ZNF286A: variants seen among roughly 807,000 people sequenced by gnomAD.
ZNF286A encodes zinc finger protein ZNF286.
A neutral mutation model predicts 49.3 loss-of-function variants in ZNF286A; 34 were observed. The observed-to-expected ratio is 0.69, with a 90% CI of 0.52 to 0.92. The LOEUF (loss-of-function observed/expected upper bound fraction) is 0.92. Among genes scored for constraint, ZNF286A ranks in the 40% least tolerant of loss-of-function variants. The probability of loss-of-function intolerance (pLI) is 0.00; values close to 1 mark genes in which losing one functional copy is unlikely to be tolerated. For synonymous variants in ZNF286A, 155 were observed against 200.4 expected, an observed-to-expected ratio of 0.77 and a Z score of 1.91; for missense variants, 462 against 600.2, an observed-to-expected ratio of 0.77 and a Z score of 2.41.
intron 5 of ZNF286A, among the ~76,000 whole-genome samples, chr17:15,711,026 C>G (rs1597723297): frequency 6.6e-6 from 1 of 152,078 alleles, no homozygotes. Flanking sequence ...ATTCTCCTGC[C>G]TCAGCCTCCC....
At chr17:15,713,288 TAAA>T (rs896681143) in intron 5 of ZNF286A, among the ~76,000 whole-genome samples, 1 of 152,222 alleles carries the variant, frequency 6.6e-6, no homozygotes, top group Non-Finnish European at 1.5e-5. Flanking sequence ...ATTTTTTTGT[TAAA>T]AAACATCTAT....
At chr17:15,704,524 T>C (rs1183412752) in intron 3 of ZNF286A, 2 of 1,613,888 alleles carry the variant, frequency 1.2e-6, no homozygotes, top group African/African-American at 2.7e-5. Context: ...GAGTGCAGAC[T>C]CGGGGTTAGG....
chr17:15,707,079 T>C (rs1267796490), intron 4 of ZNF286A, among the ~76,000 whole-genome samples: 4 of 152,124 alleles, frequency 2.6e-5, no homozygotes, highest in Admixed American at 2.6e-4. Flanking sequence ...TGCATGCATA[T>C]GATTGTATGA....
In ZNF286A at chr17:15,719,148, A is replaced by AC. The variant is rs1298073036; in HGVS notation, c.*1858_*1859insC. 8.9e-5 allele frequency: 11 copies of AC among 123,042 alleles called. No individual in the cohort carries two copies. Among genetic ancestry groups the AC allele is most frequent in the African/African-American group, 2.8e-4 (8 of 29,088 alleles). 7.6% of individuals were successfully genotyped at this position (123,042 alleles called of 1,614,324 possible). On this transcript the variant is annotated 3_prime_UTR_variant, in exon 6 of 6. Coordinates refer to ENST00000583566, the MANE Select transcript of ZNF286A (RefSeq NM_001130842.2). ...AACTGTATCATTACTCAAAAAAAAA[A>AC]AAAAAAAGAAAGAAAAGAAAACACA...
chr17:15,706,467 G>A lies in ZNF286A; in HGVS notation c.207G>A (p.Val69=). The change falls in exon 4 of 6, where the codon GTG becomes GTA. Residue 69 remains valine (V), a synonymous_variant. Transcript: ENST00000583566. ...AGCTGGATCCTGCACAAAGGGATGT[G>A]ATGCTGGAGAACTATAGGAACCTAG... ...WGKLDPAQRD[V]MLENYRNLVS... is the part of the protein sequence containing the mutation. 6.2e-7 allele frequency: 1 copy of A among 1,613,092 alleles called. No individual in the cohort carries two copies. The highest frequency in any genetic ancestry group is 1.1e-5 in the South Asian group (1 of 90,936).
chr17:15,709,689 A>G, intron 5 of ZNF286A: 1 of 931,596 alleles, frequency 1.1e-6, no homozygotes, highest in South Asian at 2.2e-5. Context: ...CTGATTTCTT[A>G]AAGTTCACAT....
At chr17:15,706,106 A>C (rs972100429) in intron 3 of ZNF286A, among the ~76,000 whole-genome samples, 2 of 152,180 alleles carry the variant, frequency 1.3e-5, no homozygotes, top group Admixed American at 6.5e-5. Context: ...TCATATTTTA[A>C]TACTTTATTC....
chr17:15,708,245 C>G lies in ZNF286A; in HGVS notation c.332C>G (p.Ser111Ter). 1.3e-6 allele frequency: 2 copies of G among 1,581,644 alleles called. No homozygotes were observed. The highest frequency in any genetic ancestry group is 2.3e-5 in the South Asian group (2 of 85,626). The change falls in exon 5 of 6, where the codon TCA (serine) becomes TGA (stop). Residue 111 changes from serine to a stop codon, truncating the protein, a stop_gained and splice_region_variant. Coordinates refer to ENST00000583566, the MANE Select transcript of ZNF286A (RefSeq NM_001130842.2). LOFTEE classifies it high-confidence loss of function. The stretch of plus-strand genomic sequence containing the variant: ...AGAAAAGCCCCCAAAAGCAGCTATT[C>G]AGGTGAGCCAGATAGATGGGAGTCT... ...LERKAPKSSY[S>*]DMETRPQSKD...
Position 15,720,268 on chromosome 17 carries a change from T to A in ZNF286A, c.*2978T>A, listed in dbSNP as rs1173244991. 1.3e-5 allele frequency: 2 copies of A among 151,690 alleles called. No homozygotes were observed. The highest frequency in any genetic ancestry group is 2.9e-5 in the Non-Finnish European group (2 of 67,918). The allele number at this position is 151,690 out of a possible 1,614,324, so 9.4% of individuals were successfully genotyped here. On this transcript the variant is annotated 3_prime_UTR_variant, in exon 6 of 6. Transcript: ENST00000583566. ...TATAGAGTCCCCCACTCCTGCTTGGTGCTCTCTTTCTCTCTCCTTCTCTAC... is the reference window on the plus strand; with the variant it reads ...TATAGAGTCCCCCACTCCTGCTTGGAGCTCTCTTTCTCTCTCCTTCTCTAC...
rs550778478 is a variant in ZNF286A, at chr17:15,717,514, C to T, written c.*224C>T. The T allele has an allele frequency of 3.8e-4, 273 of 720,904 alleles. No homozygotes were observed. The highest frequency in any genetic ancestry group is 4.9e-4 in the Non-Finnish European group (232 of 473,192). The allele number at this position is 720,904 out of a possible 1,614,324, so 44.7% of individuals were successfully genotyped here. The stretch of plus-strand genomic sequence containing the variant: ...GCGATTTCAAAATTTTAATCTCCAA[C>T]GTCCCAAATAGCTATCTGTGGAAAT... On this transcript the variant is annotated 3_prime_UTR_variant, in exon 6 of 6. Coordinates refer to ENST00000583566, the MANE Select transcript of ZNF286A (RefSeq NM_001130842.2).
chr17:15,715,817 T>A (rs1967014637), intron 5 of ZNF286A, among the ~76,000 whole-genome samples: 1 of 152,214 alleles, frequency 6.6e-6, no homozygotes, highest in South Asian at 2.1e-4. Context: ...ATCTCTACTC[T>A]TATATTTTTT....
intron 5 of ZNF286A, among the ~76,000 whole-genome samples, chr17:15,712,555 A>C (rs1345717414): frequency 1.3e-5 from 2 of 152,356 alleles, no homozygotes; most frequent in African/African-American, 4.8e-5. Context: ...ATCAAATTGT[A>C]CGTGGTGGAA....
intron 5 of ZNF286A, among the ~76,000 whole-genome samples, chr17:15,712,786 T>C (rs1966865725): frequency 6.6e-6 from 1 of 152,206 alleles, no homozygotes; most frequent in Admixed American, 6.5e-5. Flanking sequence ...AATCTCATCT[T>C]GTCATCACTC....
chr17:15,701,316 G>A (rs1989760756), intron 3 of ZNF286A, 76 bp downstream of exon 3: 1 of 1,353,436 alleles, frequency 7.4e-7, no homozygotes, highest in African/African-American at 1.4e-5. Context: ...GTGATGTGGA[G>A]TTTCTTTATC....
chr17:15,715,174 C>G (rs1461912008), intron 5 of ZNF286A, among the ~76,000 whole-genome samples: 1 of 151,834 alleles, frequency 6.6e-6, no homozygotes, highest in African/African-American at 2.4e-5. Flanking sequence ...GATGTTTTCC[C>G]TATAGGTACA....
rs1392653656 is a variant in ZNF286A, at chr17:15,700,864, C to T, written c.38-288C>T. On this transcript the variant is annotated intron_variant, in intron 2 of 5. Transcript: ENST00000583566. Reference sequence around the variant, plus strand: ...AATAAGCTTTCAGAGTGAGAACCAACGAGTATAGATTAAACTGGGAAATTT... The same window carrying T: ...AATAAGCTTTCAGAGTGAGAACCAATGAGTATAGATTAAACTGGGAAATTT... 1.1e-4 allele frequency among the ~76,000 whole-genome samples: 11 copies of T among 100,990 alleles called. 3 individuals carry two copies. The highest frequency in any genetic ancestry group is 3.8e-4 in the Admixed American group (4 of 10,496). The allele number at this position is 100,990 out of a possible 152,430, so 66.3% of individuals were successfully genotyped here.
At chr17:15,713,427 T>G (rs1966879204) in intron 5 of ZNF286A, among the ~76,000 whole-genome samples, 1 of 152,236 alleles carries the variant, frequency 6.6e-6, no homozygotes, top group Non-Finnish European at 1.5e-5. Context: ...CAACTTGATA[T>G]GACATGTTGT....
chr17:15,704,359 T>A (rs1265000290), intron 3 of ZNF286A: 1 of 1,610,418 alleles, frequency 6.2e-7, no homozygotes, highest in Non-Finnish European at 8.5e-7. Context: ...GGCCCCAGGG[T>A]CGGTGGAGGA....
intron 3 of ZNF286A, among the ~76,000 whole-genome samples, chr17:15,703,637 A>C (rs142940552): frequency 2.0e-5 from 3 of 152,086 alleles, no homozygotes; most frequent in Non-Finnish European, 4.4e-5. Flanking sequence ...ATGGTATACT[A>C]TATTTCCTTC....
Sources: allele counts gnomAD v4.1 joint callset (sites outside exome capture counted in the v4.1 genomes callset), GRCh38; gene constraint gnomAD v4.1.1; transcripts MANE v1.5; gene names NCBI Gene and HGNC (gene_info 2026-07-23, HGNC 2026-07-21).